The following PELI2 variants were observed in gnomAD, a reference collection of about 807,000 sequenced individuals.
The protein encoded by PELI2 is pellino E3 ubiquitin protein ligase family member 2, also known as E3 ubiquitin-protein ligase pellino homolog 2.
Under a neutral mutation model 42.3 loss-of-function variants are expected in PELI2, and 23 were observed. The ratio of observed to expected loss-of-function variants is 0.54; its 90% CI spans 0.39 to 0.77. PELI2 has a LOEUF of 0.77. PELI2 is among the 30% of genes least tolerant of loss of function. The probability of loss-of-function intolerance (pLI) is 0.00; values close to 1 mark genes in which losing one functional copy is unlikely to be tolerated. For missense variants in PELI2, 463 were observed against 553.2 expected, an observed-to-expected ratio of 0.84 and a Z score of 1.64; for synonymous variants, 245 against 212.2, an observed-to-expected ratio of 1.15 and a Z score of -1.34.
chr14:56,142,890 G>T (rs1351536063), intron 1 of PELI2, among the ~76,000 whole-genome samples: 1 of 151,878 alleles, frequency 6.6e-6, no homozygotes, highest in Non-Finnish European at 1.5e-5. Flanking sequence ...TGTAAAAATT[G>T]TTCAACTATA....
At chr14:56,127,526 A>G (rs1453751640) in intron 1 of PELI2, among the ~76,000 whole-genome samples, 2 of 152,214 alleles carry the variant, frequency 1.3e-5, no homozygotes, top group East Asian at 1.9e-4. Context: ...CATGGAGAAC[A>G]GTTCTGTGTT....
chr14:56,236,118 C>G (rs982988402), intron 2 of PELI2, among the ~76,000 whole-genome samples: 6 of 152,126 alleles, frequency 3.9e-5, no homozygotes, highest in African/African-American at 1.4e-4. Context: ...AAGTTTAACT[C>G]TTGTGAAACT....
chr14:56,128,919 G>A (rs1353241256), intron 1 of PELI2, among the ~76,000 whole-genome samples: 3 of 152,034 alleles, frequency 2.0e-5, no homozygotes, highest in Non-Finnish European at 2.9e-5. Flanking sequence ...GGGAGGGAGG[G>A]AATTCTATGT....
intron 1 of PELI2, among the ~76,000 whole-genome samples, chr14:56,175,764 T>C (rs1027262661): frequency 1.3e-5 from 2 of 152,202 alleles, no homozygotes; most frequent in Admixed American, 6.5e-5. Context: ...ATATTAGATA[T>C]GACTTTTGGG....
intron 1 of PELI2, among the ~76,000 whole-genome samples, chr14:56,143,121 A>T (rs1328634768): frequency 1.3e-5 from 2 of 152,116 alleles, no homozygotes; most frequent in East Asian, 3.9e-4. Flanking sequence ...ACTCCCTTCT[A>T]ATCTGTGACA....
chr14:56,144,362 T>G (rs1330671202), intron 1 of PELI2, among the ~76,000 whole-genome samples: 2 of 152,242 alleles, frequency 1.3e-5, no homozygotes, highest in African/African-American at 4.8e-5. Flanking sequence ...AAAGACAGAC[T>G]AGAACTCTTG....
At chr14:56,169,944 T>C (rs1885106356) in intron 1 of PELI2, among the ~76,000 whole-genome samples, 1 of 152,230 alleles carries the variant, frequency 6.6e-6, no homozygotes, top group Non-Finnish European at 1.5e-5. Context: ...TATTGGCATA[T>C]GGGCATTTCC....
intron 2 of PELI2, among the ~76,000 whole-genome samples, chr14:56,245,130 A>C (rs540360264): frequency 1.3e-5 from 2 of 152,374 alleles, no homozygotes; most frequent in East Asian, 3.9e-4. Flanking sequence ...TTAGGTTTCC[A>C]ATAAATTCCA....
At chr14:56,122,197 C>A (rs1327067896) in intron 1 of PELI2, among the ~76,000 whole-genome samples, 4 of 152,172 alleles carry the variant, frequency 2.6e-5, no homozygotes, top group Non-Finnish European at 5.9e-5. Flanking sequence ...ACCACTATGG[C>A]ACGTATGTAC....
intron 2 of PELI2, among the ~76,000 whole-genome samples, chr14:56,201,353 C>T (rs1425100583): frequency 6.6e-6 from 1 of 152,190 alleles, no homozygotes; most frequent in Non-Finnish European, 1.5e-5. Context: ...CTGCAAGCCT[C>T]CTTCCACATG....
chr14:56,188,996 C>T (rs1885867344), intron 2 of PELI2, among the ~76,000 whole-genome samples: 1 of 152,090 alleles, frequency 6.6e-6, no homozygotes, highest in Non-Finnish European at 1.5e-5. Flanking sequence ...CCCGTCTCTA[C>T]TAAAAATAGA....
chr14:56,177,065 A>G (rs1885409859), intron 1 of PELI2, among the ~76,000 whole-genome samples: 1 of 152,246 alleles, frequency 6.6e-6, no homozygotes, highest in South Asian at 2.1e-4. Flanking sequence ...GACTTGAAAT[A>G]AATTATCTTT....
chr14:56,118,616 G>GGCGGCGGCGT lies in PELI2; in HGVS notation c.-45_-44insGCGGCGGCGT, dbSNP rs1566589843. 4.0e-6 allele frequency: 5 copies of GGCGGCGGCGT among 1,238,130 alleles called. No individual in the cohort carries two copies. In the African/African-American group the frequency reaches 8.4e-5, roughly 21 times the overall value. The allele number at this position is 1,238,130 out of a possible 1,614,324, so 76.7% of individuals were successfully genotyped here. On this transcript the variant is annotated 5_prime_UTR_variant, in exon 1 of 6. Transcript: ENST00000267460. ...CGCGGACTCGGCGGGGATCGCGGCG[G>GGCGGCGGCGT]AGGCGGCGGCGTCGGCGGCGGCGTC...
chr14:56,277,149 C>T (rs1053548843), intron 2 of PELI2, among the ~76,000 whole-genome samples: 1 of 152,076 alleles, frequency 6.6e-6, no homozygotes, highest in African/African-American at 2.4e-5. Context: ...ACAGAAATCT[C>T]CAAACCCCAA....
At chr14:56,231,138 C>T (rs1566652369) in intron 2 of PELI2, among the ~76,000 whole-genome samples, 2 of 152,196 alleles carry the variant, frequency 1.3e-5, no homozygotes, top group Non-Finnish European at 2.9e-5. Context: ...GAGACTTAGA[C>T]TTCCACACAG....
intron 2 of PELI2, among the ~76,000 whole-genome samples, chr14:56,182,860 C>T (rs1193983506): frequency 6.6e-6 from 1 of 152,074 alleles, no homozygotes; most frequent in Non-Finnish European, 1.5e-5. Context: ...GTAGGATGTG[C>T]TGGGGTCCAC....
At chr14:56,281,731 C>T (rs993282025) in intron 3 of PELI2, among the ~76,000 whole-genome samples, 1 of 151,956 alleles carries the variant, frequency 6.6e-6, no homozygotes, top group Non-Finnish European at 1.5e-5. Context: ...TACCTACAAT[C>T]AGATAGACAA....
intron 1 of PELI2, among the ~76,000 whole-genome samples, chr14:56,162,855 T>C (rs564601159): frequency 6.6e-6 from 1 of 152,340 alleles, no homozygotes; most frequent in African/African-American, 2.4e-5. Flanking sequence ...ATTTCTCTGA[T>C]GATCAGTTAT....
intron 1 of PELI2, among the ~76,000 whole-genome samples, chr14:56,172,043 G>T (rs1026665530): frequency 2.6e-5 from 4 of 152,058 alleles, no homozygotes; most frequent in African/African-American, 9.7e-5. Flanking sequence ...AAAAAGATTG[G>T]CAGGGAGAGG....
Sources: gnomAD v4.1 joint callset for allele counts (sites outside exome capture counted in the v4.1 genomes callset) on GRCh38, gnomAD v4.1.1 for gene constraint, MANE v1.5 for transcripts, NCBI Gene and HGNC (gene_info 2026-07-23, HGNC 2026-07-21) for gene names.